The following TPM1 variants were observed in gnomAD, a reference collection of about 807,000 sequenced individuals.
TPM1 encodes the protein tropomyosin alpha-1 chain.
In TPM1, 24 loss-of-function variants were observed where a neutral mutation model predicts 42.9. The observed-to-expected ratio is 0.56, with a 90% CI of 0.41 to 0.79. TPM1 has a LOEUF of 0.79. TPM1 is among the 30% of genes least tolerant of loss of function. The pLI, the probability that TPM1 is intolerant of heterozygous loss-of-function variation, is 0.00. For missense variants in TPM1, 158 were observed against 351.8 expected, an observed-to-expected ratio of 0.45 and a Z score of 4.41; for synonymous variants, 136 against 130.1, an observed-to-expected ratio of 1.05 and a Z score of -0.31.
Position 63,066,138 on chromosome 15 carries a change from G to A in TPM1, c.*239G>A. The A allele has an allele frequency of 1.4e-6, 2 of 1,473,336 alleles. No homozygotes were observed. Among genetic ancestry groups the A allele is most frequent in the East Asian group, 5.0e-5 (2 of 40,238 alleles). 91.3% of individuals were successfully genotyped at this position (1,473,336 alleles called of 1,614,324 possible). On this transcript the variant is annotated 3_prime_UTR_variant, in exon 10 of 10. Coordinates refer to ENST00000403994, the MANE Select transcript of TPM1 (RefSeq NM_001018005.2). ...TTACTTCTTATTTATTGACATTTTA[G>A]TTTCAACATTGAATAAAACTACAAA... is the stretch of plus-strand genomic sequence containing the variant.
In TPM1 at chr15:63,042,756, C is replaced by T. The variant is rs1566935592; in HGVS notation, c.-74C>T. 1.5e-5 allele frequency: 20 copies of T among 1,295,412 alleles called. 1 individual carries two copies. Among genetic ancestry groups the T allele is most frequent in the South Asian group, 7.3e-5 (6 of 81,660 alleles). The allele number at this position is 1,295,412 out of a possible 1,614,324, so 80.2% of individuals were successfully genotyped here. ...AAGCAGGCGGCTCCGCGCTCGCACT[C>T]CCGCTCCTCCGCCCGACCGCGCGCT... On this transcript the variant is annotated 5_prime_UTR_variant, in exon 1 of 10. Transcript: ENST00000403994.
At chr15:63,063,343 GA>G (rs2035900189) in intron 8 of TPM1, 3 of 985,442 alleles carry the variant, frequency 3.0e-6, no homozygotes, top group South Asian at 9.4e-5. Flanking sequence ...GTGGAGAAGA[GA>G]GAATGACAAA....
At chr15:63,069,084 T>C (rs1401771451), downstream of TPM1, among the ~76,000 whole-genome samples, 1 of 150,622 alleles carries the variant, frequency 6.6e-6, no homozygotes, top group Non-Finnish European at 1.5e-5. Context: ...ACCCGGGAGG[T>C]GGAGCTTGCA....
chr15:63,051,521 C>CT (rs1429010777), intron 2 of TPM1, among the ~76,000 whole-genome samples: 1 of 152,020 alleles, frequency 6.6e-6, no homozygotes, highest in African/African-American at 2.4e-5. Context: ...GGGAGTGCCC[C>CT]TTAATGTCAT....
At chr15:63,043,968 C>G in intron 1 of TPM1, 59 bp from the exon 2 acceptor site, 1 of 1,585,484 alleles carries the variant, frequency 6.3e-7, no homozygotes, top group South Asian at 1.1e-5. Flanking sequence ...CCCTCCCCTT[C>G]GGGATCACGC....
At chr15:63,069,823 T>C, downstream of TPM1, 1 of 1,613,222 alleles carries the variant, frequency 6.2e-7, no homozygotes, top group Non-Finnish European at 8.5e-7. Context: ...TGCTAACCTG[T>C]CTTCCTTCTG....
chr15:63,048,177 C>G (rs750596609), intron 2 of TPM1: 2 of 452,858 alleles, frequency 4.4e-6, no homozygotes, highest in Non-Finnish European at 8.8e-6. Flanking sequence ...GCTCCGTTAC[C>G]CCGGGTCACC....
intron 9 of TPM1, 58 bp from the exon 10 acceptor site, chr15:63,065,838 T>C (rs2036220874): frequency 1.3e-6 from 2 of 1,565,550 alleles, no homozygotes; most frequent in Non-Finnish European, 8.7e-7. Flanking sequence ...CCTTTCTTTT[T>C]TTTTTTTTTC....
At chr15:63,068,301 A>C (rs1168777645), downstream of TPM1, among the ~76,000 whole-genome samples, 1 of 152,204 alleles carries the variant, frequency 6.6e-6, no homozygotes, top group Admixed American at 6.5e-5. Context: ...AGGCATGTGT[A>C]TTTGGAGGCA....
At position 63,057,129 on chromosome 15, in the gene TPM1, C is replaced by T; in HGVS notation, c.374+11C>T. On this transcript the variant is annotated intron_variant, in intron 3 of 9. Coordinates refer to ENST00000403994, the MANE Select transcript of TPM1 (RefSeq NM_001018005.2). ...AGATGAGAGTGAGAGGTGAGAATGC[C>T]TCATCAGCCATCTTTTGCAGCTGCC... 1.2e-6 allele frequency: 2 copies of T among 1,613,974 alleles called. No homozygotes were observed. The highest frequency in any genetic ancestry group is 1.7e-4 in the Middle Eastern group (1 of 5,964).
chr15:63,065,153 G>C (rs1418778364), intron 9 of TPM1: 1 of 985,370 alleles, frequency 1.0e-6, no homozygotes, highest in Non-Finnish European at 1.2e-6. Flanking sequence ...AGATTTTACT[G>C]TTAGGCAGTA....
chr15:63,050,989 C>T (rs749552808), intron 2 of TPM1, among the ~76,000 whole-genome samples: 3 of 152,168 alleles, frequency 2.0e-5, no homozygotes, highest in Non-Finnish European at 4.4e-5. Flanking sequence ...GAAAAAGCAG[C>T]CATCCCTTAC....
At chr15:63,058,714 A>G (rs914097074) in intron 3 of TPM1, among the ~76,000 whole-genome samples, 3 of 152,222 alleles carry the variant, frequency 2.0e-5, no homozygotes, top group Non-Finnish European at 2.9e-5. Context: ...GTCTCAAAAA[A>G]TAAAAATAAA....
At chr15:63,045,904 T>C (rs2032287246) in intron 2 of TPM1, 2 of 152,080 alleles carry the variant, frequency 1.3e-5, no homozygotes, top group Admixed American at 1.3e-4. Flanking sequence ...TTTTTGATAG[T>C]GTATTGATCA....
At chr15:63,055,256 T>C (rs572813854) in intron 2 of TPM1, among the ~76,000 whole-genome samples, 1 of 152,370 alleles carries the variant, frequency 6.6e-6, no homozygotes, top group African/African-American at 2.4e-5. Flanking sequence ...CCCTGCTCCC[T>C]GCCTCCATCA....
chr15:63,048,919 A>G lies in TPM1; in HGVS notation c.240+4767A>G, dbSNP rs1429890337. The G allele has an allele frequency of 6.0e-6, 4 of 671,180 alleles. No individual in the cohort carries two copies. In the Admixed American group the frequency reaches 9.5e-5, roughly 16 times the overall value. 41.6% of individuals were successfully genotyped at this position (671,180 alleles called of 1,614,324 possible). A position where few individuals can be genotyped will look rare whatever the true frequency, so the allele number is the denominator to read the frequency against. ...CTTTGTTTTCCATCTCGCTGATCCA[A>G]AGTAAACGCTCCCAGGGGAAACGGG... On this transcript the variant is annotated intron_variant, in intron 2 of 9. Transcript: ENST00000403994.
chr15:63,059,506 T>C, intron 3 of TPM1, 57 bp from the exon 4 acceptor site: 2 of 1,364,868 alleles, frequency 1.5e-6, no homozygotes, highest in South Asian at 2.3e-5. Context: ...CAGTGCAGTG[T>C]GCATTTGGGA....
At chr15:63,055,999 G>A (rs1008082021) in intron 2 of TPM1, 4 of 152,166 alleles carry the variant, frequency 2.6e-5, no homozygotes, top group Admixed American at 2.0e-4. Context: ...TACTTTTCTT[G>A]TATTAACCTT....
At chr15:63,056,700 G>T (rs1157556294) in intron 2 of TPM1, 2 of 409,668 alleles carry the variant, frequency 4.9e-6, no homozygotes, top group Non-Finnish European at 9.1e-6. Context: ...AAAAATCTAC[G>T]GAAGAAAGGA....
Sources: gnomAD v4.1 joint callset for allele counts (sites outside exome capture counted in the v4.1 genomes callset) on GRCh38, gnomAD v4.1.1 for gene constraint, MANE v1.5 for transcripts, NCBI Gene and HGNC (gene_info 2026-07-23, HGNC 2026-07-21) for gene names.